Variants in DPP6 observed in about 807,000 individuals in gnomAD.
DPP6 encodes the protein dipeptidyl peptidase like 6, also known as A-type potassium channel modulatory protein DPP6.
Under a neutral mutation model 122.6 loss-of-function variants are expected in DPP6, and 69 were observed. The ratio of observed to expected loss-of-function variants is 0.56; its 90% CI spans 0.46 to 0.69. DPP6 has a LOEUF of 0.69. DPP6 is among the 30% of genes least tolerant of loss of function. The pLI, the probability that DPP6 is intolerant of heterozygous loss-of-function variation, is 0.00. For missense variants in DPP6, 928 were observed against 1,116.9 expected, an observed-to-expected ratio of 0.83 and a Z score of 2.41; for synonymous variants, 418 against 433.1, an observed-to-expected ratio of 0.97 and a Z score of 0.43.
intron 7 of DPP6, among the ~76,000 whole-genome samples, chr7:154,709,448 G>A (rs1432285527): frequency 6.6e-6 from 1 of 152,040 alleles, no homozygotes; most frequent in African/African-American, 2.4e-5. Flanking sequence ...TCAAACTCCT[G>A]GCCTCAAGTA....
chr7:154,330,932 A>G (rs922842117), intron 1 of DPP6, among the ~76,000 whole-genome samples: 2 of 152,170 alleles, frequency 1.3e-5, no homozygotes, highest in African/African-American at 2.4e-5. Context: ...CTTCTGTTGC[A>G]TTCTCCAGCT....
chr7:154,502,589 GC>G (rs1825345850), intron 3 of DPP6, among the ~76,000 whole-genome samples: 1 of 152,096 alleles, frequency 6.6e-6, no homozygotes, highest in Non-Finnish European at 1.5e-5. Flanking sequence ...TTCACCTTCT[GC>G]TGTGACTGTG....
rs534698916 is a variant in DPP6 at position 154,160,598 on chromosome 7, T to G, written c.243+107535T>G. Among the ~76,000 whole-genome samples, 6 of 152,200 alleles carry G rather than the reference T, an allele frequency of 3.9e-5. No individual in the cohort carries two copies. In the East Asian group the frequency reaches 1.2e-3, roughly 29 times the overall value. On this transcript the variant is annotated intron_variant, in intron 1 of 25. Transcript: ENST00000377770. ...GCGCTTAGAAGCTCCCTTCATCACT[T>G]GGTTGGCCCTCATTCATGCATGCTG...
rs116067632 is a variant in DPP6 at position 153,951,772 on chromosome 7, G to A, written c.51+64038G>A. On this transcript the variant is annotated intron_variant, in intron 1 of 25. Coordinates refer to the DPP6 transcript ENST00000404039. ...AATCAAGAAAAACTGACCAGGTGCA[G>A]TGGCTTACACCTCTAATCCTGGCAC... Among the ~76,000 whole-genome samples the A allele has an allele frequency of 7.5e-3, 1,150 of 152,322 alleles. 19 individuals carry two copies. The highest frequency in any genetic ancestry group is 0.026 in the African/African-American group (1,096 of 41,570).
chr7:154,308,370 A>G (rs1192126340), intron 1 of DPP6, among the ~76,000 whole-genome samples: 1 of 152,156 alleles, frequency 6.6e-6, no homozygotes, highest in Admixed American at 6.5e-5. Flanking sequence ...TTTAAAGGAT[A>G]CTAAATAAAC....
In DPP6 at chr7:154,760,903, C is replaced by T. The variant is rs371609503; in HGVS notation, c.884-8514C>T. On this transcript the variant is annotated intron_variant, in intron 8 of 25. Coordinates refer to ENST00000377770, the MANE Select transcript of DPP6 (RefSeq NM_130797.4). The surrounding 1 kb of genome is among the most constrained non-coding windows in gnomAD (Gnocchi z 4.5). Reference sequence around the variant, plus strand: ...AGGCTTGAGTGCAATGGTGCAATCTCGACTCACTGCAACCTCCGCTTCCCT... The same window carrying T: ...AGGCTTGAGTGCAATGGTGCAATCTTGACTCACTGCAACCTCCGCTTCCCT... 2.0e-5 allele frequency among the ~76,000 whole-genome samples: 3 copies of T among 150,286 alleles called. No individual in the cohort carries two copies. Among genetic ancestry groups the T allele is most frequent in the African/African-American group, 7.4e-5 (3 of 40,748 alleles).
At chr7:154,111,150 GAC>G (rs1806543655) in intron 1 of DPP6, among the ~76,000 whole-genome samples, 1 of 152,160 alleles carries the variant, frequency 6.6e-6, no homozygotes, top group Non-Finnish European at 1.5e-5. Flanking sequence ...TGAAAGGACA[GAC>G]ACATTCAGTT....
At chr7:153,920,563 C>CTTTTTTTTTTTTT (rs61553100) in intron 1 of DPP6, among the ~76,000 whole-genome samples, 1,209 of 88,466 alleles carry the variant, frequency 0.014, 73 homozygotes, top group Middle Eastern at 0.02. Context: ...TTATCTCTCT[C>CTTTTTTTTTTTTT]TTTTTTTTTT....
chr7:154,528,675 A>T (rs780593282), intron 3 of DPP6, among the ~76,000 whole-genome samples: 11 of 152,256 alleles, frequency 7.2e-5, no homozygotes, highest in Non-Finnish European at 1.0e-4. Context: ...GAAGACAGAG[A>T]GTTATTACAA....
Position 154,883,797 on chromosome 7 carries a change from ACT to A in DPP6, c.2134-1834_2134-1833del, listed in dbSNP as rs565221752. The A allele has an allele frequency of 6.5e-4, 88 of 135,280 alleles. 3 individuals are homozygous for A. The highest frequency in any genetic ancestry group is 2.2e-3 in the African/African-American group (77 of 35,062). The allele number at this position is 135,280 out of a possible 1,614,324, so 8.4% of individuals were successfully genotyped here. ...CATGCTCACACAATTACATACACCG[ACT>A]CACGCACACATGCTCACACAATTAC... On this transcript the variant is annotated intron_variant, in intron 21 of 25. Transcript: ENST00000377770.
At chr7:154,197,949 C>T (rs1481324203) in intron 1 of DPP6, among the ~76,000 whole-genome samples, 2 of 152,122 alleles carry the variant, frequency 1.3e-5, no homozygotes, top group Non-Finnish European at 1.5e-5. Context: ...GAAAGGGCCT[C>T]CCTCCCACAG....
intron 5 of DPP6, among the ~76,000 whole-genome samples, chr7:154,633,633 G>GATGC (rs552384883): frequency 4.4e-4 from 67 of 152,358 alleles, no homozygotes; most frequent in African/African-American, 1.6e-3. Flanking sequence ...CTTTCAGTGA[G>GATGC]ATGCAGCTTT....
At chr7:154,132,827 A>G (rs913903355) in intron 1 of DPP6, among the ~76,000 whole-genome samples, 7 of 152,052 alleles carry the variant, frequency 4.6e-5, no homozygotes, top group African/African-American at 1.7e-4. Context: ...CTCCCGGTAT[A>G]TACAGCACGT....
chr7:154,264,266 A>T (rs991204925), intron 1 of DPP6, among the ~76,000 whole-genome samples: 1 of 152,228 alleles, frequency 6.6e-6, no homozygotes, highest in Non-Finnish European at 1.5e-5. Flanking sequence ...AAACCACAAC[A>T]TGACATGCAT....
intron 13 of DPP6, among the ~76,000 whole-genome samples, chr7:154,803,060 G>A (rs978892428): frequency 2.3e-4 from 35 of 152,154 alleles, no homozygotes; most frequent in Admixed American, 1.0e-3. Flanking sequence ...AAACTCCCCA[G>A]CCTCTCCTAC....
chr7:154,736,517 G>T (rs898368273), intron 8 of DPP6, among the ~76,000 whole-genome samples: 2 of 152,100 alleles, frequency 1.3e-5, no homozygotes, highest in African/African-American at 4.8e-5. Flanking sequence ...TAGCTCTCAG[G>T]TCATACAAAA....
At chr7:154,424,917 A>G (rs1817763191) in intron 1 of DPP6, among the ~76,000 whole-genome samples, 2 of 152,198 alleles carry the variant, frequency 1.3e-5, no homozygotes, top group African/African-American at 4.8e-5. Flanking sequence ...CTTTTGATCA[A>G]AGGTGAAGGT....
the DPP6 span, among the ~76,000 whole-genome samples, chr7:153,828,985 T>C: frequency 6.6e-6 from 1 of 152,206 alleles, no homozygotes; most frequent in South Asian, 2.1e-4. Flanking sequence ...TTTTTTTGGG[T>C]TTCTTTCCAA....
intron 6 of DPP6, among the ~76,000 whole-genome samples, chr7:154,661,062 C>G (rs1312721724): frequency 6.5e-4 from 14 of 21,700 alleles, no homozygotes; most frequent in Non-Finnish European, 9.1e-4. Context: ...GCGTATTGGC[C>G]GTAGTGTTCA....
Sources: gnomAD v4.1 joint callset for allele counts (sites outside exome capture counted in the v4.1 genomes callset) on GRCh38, gnomAD v4.1.1 for gene constraint, Gnocchi (gnomAD v3.1) non-coding constraint, MANE v1.5 for transcripts, NCBI Gene and HGNC (gene_info 2026-07-23, HGNC 2026-07-21) for gene names.